Variants in ADGRL3 observed in about 807,000 individuals in gnomAD.
The protein encoded by ADGRL3 is calcium-independent alpha-latrotoxin receptor 3.
ADGRL3 carries 62 observed loss-of-function variants against 153.5 expected under a neutral mutation model. That is an observed-to-expected ratio of 0.40 (90% CI 0.33 to 0.50). The LOEUF (loss-of-function observed/expected upper bound fraction) is 0.50. ADGRL3 is among the 20% of genes least tolerant of loss of function. ADGRL3 has a pLI of 0.47. For synonymous variants in ADGRL3, 710 were observed against 672.5 expected (o/e 1.06, Z -0.86); for missense variants, 1,641 against 1,859.4 (o/e 0.88, Z 2.16).
intron 5 of ADGRL3, among the ~76,000 whole-genome samples, chr4:61,615,961 C>T (rs2091953715): frequency 6.6e-6 from 1 of 151,978 alleles, no homozygotes; most frequent in South Asian, 2.1e-4. Flanking sequence ...GGGAAGTTTG[C>T]CTCTCACAGT....
intron 9 of ADGRL3, among the ~76,000 whole-genome samples, chr4:61,832,265 C>G (rs1401048712): frequency 6.6e-6 from 1 of 152,162 alleles, no homozygotes; most frequent in Non-Finnish European, 1.5e-5. Flanking sequence ...AAATGATTCT[C>G]TTAGGACAAA....
chr4:61,434,779 A>T (rs1003161163), intron 2 of ADGRL3, among the ~76,000 whole-genome samples: 2 of 152,112 alleles, frequency 1.3e-5, no homozygotes, highest in African/African-American at 4.8e-5. Flanking sequence ...TGAGGTTTTG[A>T]TTAGAGCTGA....
chr4:61,335,643 A>T (rs1316732367), intron 1 of ADGRL3, among the ~76,000 whole-genome samples: 1 of 152,160 alleles, frequency 6.6e-6, no homozygotes, highest in Non-Finnish European at 1.5e-5. Context: ...TGTCAGGGCA[A>T]AGATTGGCTG....
chr4:62,071,847 A>AT lies in ADGRL3; in HGVS notation c.*945dup. The AT allele has an allele frequency of 3.0e-6, 1 of 336,402 alleles. No homozygotes were observed. Among genetic ancestry groups the AT allele is most frequent in the South Asian group, 2.4e-5 (1 of 41,266 alleles). The allele number at this position is 336,402 out of a possible 1,614,324, so 20.8% of individuals were successfully genotyped here. A position where few individuals can be genotyped will look rare whatever the true frequency, so the allele number is the denominator to read the frequency against. ...CATTTTCTAGTAATGCAAACAAATT[A>AT]TTTTTTACAAAAAAACAAAATAAAT... On this transcript the variant is annotated 3_prime_UTR_variant, in exon 27 of 27. Coordinates refer to ENST00000683033, the MANE Select transcript of ADGRL3 (RefSeq NM_001387552.1).
chr4:61,659,396 C>T (rs773632964), intron 5 of ADGRL3, among the ~76,000 whole-genome samples: 1 of 152,150 alleles, frequency 6.6e-6, no homozygotes, highest in Non-Finnish European at 1.5e-5. Flanking sequence ...AGATGCCTGT[C>T]CCCTCTAAGA....
chr4:62,061,232 T>A (rs1419005474), intron 25 of ADGRL3, among the ~76,000 whole-genome samples: 2 of 151,836 alleles, frequency 1.3e-5, no homozygotes, highest in African/African-American at 4.8e-5. Context: ...TATGGATTGC[T>A]AAAGTGCTGA....
chr4:61,707,603 T>C (rs1290032659), intron 6 of ADGRL3, among the ~76,000 whole-genome samples: 1 of 152,220 alleles, frequency 6.6e-6, no homozygotes, highest in Non-Finnish European at 1.5e-5. Context: ...TTAATTTTGC[T>C]CAAACGTGAA....
intron 4 of ADGRL3, among the ~76,000 whole-genome samples, chr4:61,548,111 C>T (rs772523570): frequency 2.6e-5 from 4 of 151,982 alleles, no homozygotes; most frequent in Non-Finnish European, 5.9e-5. Context: ...TGTCCTTTGC[C>T]CATGTTTAAT....
At chr4:61,779,288 A>C (rs532996443) in intron 8 of ADGRL3, among the ~76,000 whole-genome samples, 1 of 152,104 alleles carries the variant, frequency 6.6e-6, no homozygotes, top group South Asian at 2.1e-4. Context: ...GTCAGGTCCC[A>C]CCTTAGACTG....
At chr4:61,916,360 C>G (rs2098745059) in intron 13 of ADGRL3, among the ~76,000 whole-genome samples, 1 of 152,010 alleles carries the variant, frequency 6.6e-6, no homozygotes, top group South Asian at 2.1e-4. Context: ...ATCTTAGACA[C>G]AATGACATGG....
intron 21 of ADGRL3, among the ~76,000 whole-genome samples, chr4:62,008,848 G>A (rs754701901): frequency 5.9e-5 from 9 of 151,878 alleles, no homozygotes; most frequent in Non-Finnish European, 1.0e-4. Context: ...AATGACAATC[G>A]CATGTATGAT....
In ADGRL3 at chr4:61,859,067, T is replaced by TTATA. The variant is rs143860333; in HGVS notation, c.1481-33588_1481-33585dup. On this transcript the variant is annotated intron_variant, in intron 9 of 26. Coordinates refer to ENST00000683033, the MANE Select transcript of ADGRL3 (RefSeq NM_001387552.1). ...GTATTGTTTAATACATACATTAACT[T>TTATA]TATAAAATATATGTGTATATACTAT... Among the ~76,000 whole-genome samples the TTATA allele has an allele frequency of 2.9e-3, 447 of 152,312 alleles. 3 individuals are homozygous for TTATA. Among genetic ancestry groups the TTATA allele is most frequent in the African/African-American group, 0.01 (431 of 41,572 alleles).
chr4:61,309,843 T>G (rs2094931713), intron 1 of ADGRL3, among the ~76,000 whole-genome samples: 1 of 151,938 alleles, frequency 6.6e-6, no homozygotes, highest in Non-Finnish European at 1.5e-5. Context: ...CAGTGGGGGG[T>G]TTTGTTCTTT....
Position 61,935,035 on chromosome 4 carries a change from T to C in ADGRL3, c.2296+12T>C. ...TACAGACAATATTAGTAAGTGGCCT[T>C]TGTTATTCAGAAGGTCCAGACACTC... On this transcript the variant is annotated intron_variant, in intron 14 of 26. Coordinates refer to ENST00000683033, the MANE Select transcript of ADGRL3 (RefSeq NM_001387552.1). 6.2e-7 allele frequency: 1 copy of C among 1,611,878 alleles called. No individual in the cohort carries two copies. The highest frequency in any genetic ancestry group is 8.5e-7 in the Non-Finnish European group (1 of 1,178,280).
At chr4:61,443,552 T>C (rs568961757) in intron 2 of ADGRL3, among the ~76,000 whole-genome samples, 1 of 152,186 alleles carries the variant, frequency 6.6e-6, no homozygotes, top group Admixed American at 6.5e-5. Context: ...TATTTAATTC[T>C]ATTTTTTCTA....
At chr4:61,747,380 C>CA (rs1457672076) in intron 8 of ADGRL3, among the ~76,000 whole-genome samples, 58 of 151,992 alleles carry the variant, frequency 3.8e-4, no homozygotes, top group Non-Finnish European at 6.2e-4. Flanking sequence ...CATCCTGAAC[C>CA]AAAGCCTGGC....
In ADGRL3 at chr4:61,257,322, A is replaced by C. The variant is rs185967001; in HGVS notation, c.-240+55557A>C. ...ATTTTTAACTCTGTTGAAAGAAATAAAAAATTCCATTTGCTTCCAAGTTGT... is the reference window on the plus strand; with the variant it reads ...ATTTTTAACTCTGTTGAAAGAAATACAAAATTCCATTTGCTTCCAAGTTGT... On this transcript the variant is annotated intron_variant, in intron 1 of 26. Coordinates refer to ENST00000683033, the MANE Select transcript of ADGRL3 (RefSeq NM_001387552.1). Among the ~76,000 whole-genome samples, 27 of 152,348 alleles carry C rather than the reference A, an allele frequency of 1.8e-4. No homozygotes were observed. In the East Asian group the frequency reaches 5.2e-3, roughly 29 times the overall value.
At chr4:61,712,110 T>C (rs2096004122) in intron 6 of ADGRL3, among the ~76,000 whole-genome samples, 1 of 152,160 alleles carries the variant, frequency 6.6e-6, no homozygotes, top group Non-Finnish European at 1.5e-5. Flanking sequence ...AAGGAAGTTT[T>C]GGTCCGGGTT....
At chr4:61,831,392 G>T (rs2097866134) in intron 9 of ADGRL3, among the ~76,000 whole-genome samples, 1 of 41,664 alleles carries the variant, frequency 2.4e-5, no homozygotes, top group South Asian at 7.8e-4. Context: ...TGAAGATGAA[G>T]AAAGGAAAAG....
Sources: allele counts gnomAD v4.1 joint callset (sites outside exome capture counted in the v4.1 genomes callset), GRCh38; gene constraint gnomAD v4.1.1; transcripts MANE v1.5; gene names NCBI Gene and HGNC (gene_info 2026-07-23, HGNC 2026-07-21).